Variants in AUH observed in about 807,000 individuals in gnomAD.
AUH encodes the protein AU RNA binding methylglutaconyl-CoA hydratase.
In AUH, 29 loss-of-function variants were observed where a neutral mutation model predicts 42.3. That is an observed-to-expected ratio of 0.69 (90% confidence interval 0.51 to 0.93). The LOEUF (loss-of-function observed/expected upper bound fraction) is 0.93, where lower values mean the gene tolerates loss of function less well. Among genes scored for constraint, AUH ranks in the 40% least tolerant of loss-of-function variants. AUH has a pLI of 0.00. For synonymous variants in AUH, 174 were observed against 166.4 expected (o/e 1.05, Z -0.35); for missense variants, 452 against 438.1 (o/e 1.03, Z -0.28).
intron 6 of AUH, among the ~76,000 whole-genome samples, chr9:91,258,261 C>A (rs779414966): frequency 6.6e-6 from 1 of 152,098 alleles, no homozygotes; most frequent in Non-Finnish European, 1.5e-5. Context: ...GAGTTTCACT[C>A]TTATACTCTT....
intron 6 of AUH, chr9:91,294,637 G>A (rs1356648488): frequency 2.2e-6 from 1 of 450,876 alleles, no homozygotes; most frequent in Admixed American, 2.4e-5. Context: ...AAATTAAATT[G>A]AAAACCTTCT....
intron 4 of AUH, among the ~76,000 whole-genome samples, chr9:91,321,390 T>C (rs534898665): frequency 6.6e-6 from 1 of 152,308 alleles, no homozygotes; most frequent in South Asian, 2.1e-4. Flanking sequence ...TTTTGTTTTG[T>C]TTTTTCTTGA....
chr9:91,264,075 G>C (rs1829840937), intron 6 of AUH, among the ~76,000 whole-genome samples: 1 of 152,042 alleles, frequency 6.6e-6, no homozygotes, highest in Non-Finnish European at 1.5e-5. Context: ...TCACAGACTA[G>C]CTGTGTTGAA....
At chr9:91,238,428 G>C (rs1828312435) in intron 6 of AUH, among the ~76,000 whole-genome samples, 1 of 152,194 alleles carries the variant, frequency 6.6e-6, no homozygotes, top group Non-Finnish European at 1.5e-5. Context: ...GCCATGTGTA[G>C]CTGGAGGAGG....
chr9:91,216,372 T>C (rs545413345), intron 8 of AUH, among the ~76,000 whole-genome samples: 1 of 152,188 alleles, frequency 6.6e-6, no homozygotes, highest in South Asian at 2.1e-4. Context: ...GGGCTAATTA[T>C]AATGCTCACC....
intron 6 of AUH, among the ~76,000 whole-genome samples, chr9:91,249,080 T>C (rs1014257023): frequency 2.6e-5 from 4 of 152,002 alleles, no homozygotes; most frequent in Admixed American, 1.3e-4. Flanking sequence ...GCAGATCACT[T>C]GAGCCCAGGA....
chr9:91,333,665 T>C (rs1774068234), intron 3 of AUH, among the ~76,000 whole-genome samples: 1 of 152,208 alleles, frequency 6.6e-6, no homozygotes, highest in South Asian at 2.1e-4. Flanking sequence ...GAAAACCTTT[T>C]CACATAAACA....
intron 6 of AUH, among the ~76,000 whole-genome samples, chr9:91,252,593 C>T (rs755012476): frequency 1.3e-5 from 2 of 152,146 alleles, no homozygotes; most frequent in Non-Finnish European, 2.9e-5. Context: ...TCACTGACTC[C>T]CAACCCCACC....
chr9:91,357,571 A>C, intron 1 of AUH: 2 of 865,466 alleles, frequency 2.3e-6, no homozygotes, highest in Non-Finnish European at 2.8e-6. Context: ...CATAAATATC[A>C]TTAATAATCC....
chr9:91,270,708 G>A lies in AUH; in HGVS notation c.655+25313C>T, dbSNP rs148237752. On this transcript the variant is annotated intron_variant, in intron 6 of 9. Coordinates refer to ENST00000375731, the MANE Select transcript of AUH (RefSeq NM_001698.3). The stretch of plus-strand genomic sequence containing the variant: ...TAAAGAATCAGTATTTGACCTACCC[G>A]GTGCCATATGTGGTACCTATCAAAC... Among the ~76,000 whole-genome samples the A allele has an allele frequency of 4.5e-3, 679 of 152,022 alleles. 3 individuals carry two copies. Among genetic ancestry groups the A allele is most frequent in the African/African-American group, 0.015 (636 of 41,454 alleles).
rs146778331 is a variant in AUH, at chr9:91,361,417, G to A, written c.262+211C>T. 4.9e-3 allele frequency among the ~76,000 whole-genome samples: 741 copies of A among 152,308 alleles called. 8 individuals carry two copies. Among genetic ancestry groups the A allele is most frequent in the South Asian group, 9.7e-3 (47 of 4,828 alleles). On this transcript the variant is annotated intron_variant, in intron 1 of 9. Coordinates refer to ENST00000375731, the MANE Select transcript of AUH (RefSeq NM_001698.3). Reference sequence around the variant, plus strand: ...CACTTTACAGGTAAGCTGCTCGGGGGTACACGTTTAGGTTATTAAAAGCAA... The same window carrying A: ...CACTTTACAGGTAAGCTGCTCGGGGATACACGTTTAGGTTATTAAAAGCAA...
chr9:91,303,036 C>T (rs1827927501), intron 4 of AUH, among the ~76,000 whole-genome samples: 1 of 151,914 alleles, frequency 6.6e-6, no homozygotes, highest in African/African-American at 2.4e-5. Flanking sequence ...CCAGGTATGA[C>T]AAAGAAGATA....
At chr9:91,323,083 C>T (rs1829706201) in intron 4 of AUH, among the ~76,000 whole-genome samples, 1 of 152,044 alleles carries the variant, frequency 6.6e-6, no homozygotes, top group Admixed American at 6.5e-5. Context: ...ATTAAAGGCA[C>T]CCACCAAAGT....
chr9:91,361,671 C>G lies in AUH; in HGVS notation c.219G>C (p.Thr73=). Residue 73 remains threonine (T), a synonymous_variant, in exon 1 of 10, where the codon ACG becomes ACC. Transcript: ENST00000375731. ...GGTGCCGCACCCGCAGCTCGTCCTC[C>G]GTCTTCATCTCAGAGCTGTAGCCCC... The part of the protein sequence containing the change: ...PKRGYSSEMK[T]EDELRVRHLE... 11 of 1,580,156 alleles carry G rather than the reference C, an allele frequency of 7.0e-6. No individual in the cohort carries two copies. Among genetic ancestry groups the G allele is most frequent in the Non-Finnish European group, 9.5e-6 (11 of 1,163,158 alleles).
intron 4 of AUH, among the ~76,000 whole-genome samples, chr9:91,303,399 C>T (rs1439915473): frequency 2.0e-5 from 3 of 152,088 alleles, no homozygotes; most frequent in African/African-American, 4.8e-5. Context: ...GGCGCAATCT[C>T]GGCTCACTGC....
intron 6 of AUH, among the ~76,000 whole-genome samples, chr9:91,276,145 C>T (rs1316922444): frequency 6.6e-6 from 1 of 152,046 alleles, no homozygotes; most frequent in Admixed American, 6.5e-5. Flanking sequence ...AAATTAGGAA[C>T]AGGTCGAGCG....
At chr9:91,312,979 C>G (rs915159588) in intron 4 of AUH, among the ~76,000 whole-genome samples, 11 of 152,034 alleles carry the variant, frequency 7.2e-5, no homozygotes, top group Non-Finnish European at 1.0e-4. Context: ...GAGGCAATGG[C>G]AGAACAGTGG....
chr9:91,233,105 C>T (rs1178708156), intron 6 of AUH, among the ~76,000 whole-genome samples: 1 of 152,106 alleles, frequency 6.6e-6, no homozygotes, highest in African/African-American at 2.4e-5. Context: ...TGGCCCCTGG[C>T]GTTCAACACT....
intron 4 of AUH, chr9:91,306,358 T>C (rs1303486617): frequency 5.1e-6 from 5 of 985,294 alleles, no homozygotes; most frequent in African/African-American, 1.7e-5. Context: ...CTTCTGTTGA[T>C]TGCTGTTCCA....
Sources: gnomAD v4.1 joint callset for allele counts (sites outside exome capture counted in the v4.1 genomes callset) on GRCh38, gnomAD v4.1.1 for gene constraint, MANE v1.5 for transcripts, NCBI Gene and HGNC (gene_info 2026-07-23, HGNC 2026-07-21) for gene names.